AGBL4: variants seen among roughly 807,000 people sequenced by gnomAD.
The protein encoded by AGBL4 is AGBL carboxypeptidase 4, also known as cytosolic carboxypeptidase 6.
A neutral mutation model predicts 66.4 loss-of-function variants in AGBL4; 58 were observed. The observed-to-expected ratio is 0.87, with a 90% CI of 0.71 to 1.09. The LOEUF (loss-of-function observed/expected upper bound fraction) is 1.09, where lower values mean the gene tolerates loss of function less well. AGBL4 is among the 50% of genes least tolerant of loss of function. The pLI is 0.00. For synonymous variants in AGBL4, 234 were observed against 222.9 expected, an observed-to-expected ratio of 1.05 and a Z score of -0.44; for missense variants, 579 against 631.0, an observed-to-expected ratio of 0.92 and a Z score of 0.88.
intron 4 of AGBL4, among the ~76,000 whole-genome samples, chr1:49,066,881 C>T (rs1397529055): frequency 6.6e-6 from 1 of 152,190 alleles, no homozygotes; most frequent in Non-Finnish European, 1.5e-5. Flanking sequence ...TCTCCAATTT[C>T]CAAATTCAGT....
intron 3 of AGBL4, among the ~76,000 whole-genome samples, chr1:49,446,950 G>A (rs1000250761): frequency 3.3e-5 from 5 of 152,118 alleles, no homozygotes; most frequent in Non-Finnish European, 5.9e-5. Flanking sequence ...TAGTGAGGCA[G>A]GGACCCCATC....
chr1:49,268,018 T>C (rs1411666224), intron 3 of AGBL4: 1 of 152,086 alleles, frequency 6.6e-6, no homozygotes, highest in Admixed American at 6.6e-5. Context: ...CAAAACCATA[T>C]CAGTGTATAT....
intron 3 of AGBL4, among the ~76,000 whole-genome samples, chr1:49,685,387 G>A (rs1646768622): frequency 6.6e-6 from 1 of 152,194 alleles, no homozygotes; most frequent in Non-Finnish European, 1.5e-5. Flanking sequence ...CTTTATGGTA[G>A]AAGGATTTAT....
intron 8 of AGBL4, among the ~76,000 whole-genome samples, chr1:48,652,769 G>A (rs1287100982): frequency 1.3e-5 from 2 of 152,136 alleles, no homozygotes; most frequent in East Asian, 1.9e-4. Flanking sequence ...ATGGTGCTAA[G>A]CCAGGAGAAA....
At chr1:49,854,227 CAAGT>C (rs746046694) in intron 1 of AGBL4, among the ~76,000 whole-genome samples, 10 of 151,692 alleles carry the variant, frequency 6.6e-5, no homozygotes, top group Non-Finnish European at 1.3e-4. Context: ...CCCTCTAAAA[CAAGT>C]AGACAACCAC....
intron 6 of AGBL4, among the ~76,000 whole-genome samples, chr1:48,665,348 T>C (rs1393429958): frequency 1.3e-5 from 2 of 152,206 alleles, no homozygotes; most frequent in Non-Finnish European, 2.9e-5. Context: ...CATGGGTGTA[T>C]GGCTAATGTC....
chr1:48,881,141 T>A (rs1167622477), intron 5 of AGBL4, among the ~76,000 whole-genome samples: 1 of 152,170 alleles, frequency 6.6e-6, no homozygotes, highest in African/African-American at 2.4e-5. Context: ...TTTTTATTAC[T>A]CTTTGTTCAT....
At chr1:48,934,229 T>C (rs1049511184) in intron 5 of AGBL4, among the ~76,000 whole-genome samples, 31 of 152,116 alleles carry the variant, frequency 2.0e-4, no homozygotes, top group African/African-American at 7.5e-4. Flanking sequence ...AGAGGGCAGG[T>C]TGAAGACGCT....
At chr1:48,682,808 T>G (rs1211157388) in intron 6 of AGBL4, among the ~76,000 whole-genome samples, 1 of 152,206 alleles carries the variant, frequency 6.6e-6, no homozygotes, top group Non-Finnish European at 1.5e-5. Context: ...GCCAGCCCTG[T>G]AAGCACTCTG....
chr1:48,645,240 C>A (rs1372716659), intron 8 of AGBL4, among the ~76,000 whole-genome samples: 1 of 152,118 alleles, frequency 6.6e-6, no homozygotes, highest in Non-Finnish European at 1.5e-5. Flanking sequence ...AGGAGAGAGT[C>A]CCTGGGAGGT....
At chr1:49,230,440 G>T (rs952257840) in intron 4 of AGBL4, among the ~76,000 whole-genome samples, 1 of 152,112 alleles carries the variant, frequency 6.6e-6, no homozygotes, top group Non-Finnish European at 1.5e-5. Context: ...TTAACAAAGG[G>T]TAGAGCCTCC....
intron 3 of AGBL4, among the ~76,000 whole-genome samples, chr1:49,663,350 G>A (rs1218542438): frequency 6.6e-6 from 1 of 152,168 alleles, no homozygotes; most frequent in East Asian, 1.9e-4. Context: ...AATGTGAATA[G>A]ATGTGATGTG....
At chr1:49,557,640 C>A (rs1050075001) in intron 3 of AGBL4, among the ~76,000 whole-genome samples, 6 of 152,082 alleles carry the variant, frequency 3.9e-5, no homozygotes, top group African/African-American at 1.4e-4. Context: ...TGAGTTCCTG[C>A]AAACCCTACC....
At chr1:49,263,380 A>G (rs865843216) in intron 3 of AGBL4, among the ~76,000 whole-genome samples, 1 of 152,158 alleles carries the variant, frequency 6.6e-6, no homozygotes, top group African/African-American at 2.4e-5. Flanking sequence ...AAAAAAATAG[A>G]GTAATCCTCA....
At chr1:49,175,454 T>C (rs953669715) in intron 4 of AGBL4, among the ~76,000 whole-genome samples, 1 of 152,112 alleles carries the variant, frequency 6.6e-6, no homozygotes, top group African/African-American at 2.4e-5. Context: ...ATGGTAATAA[T>C]TGATAAGGTC....
At chr1:49,850,650 T>C (rs963578996) in intron 2 of AGBL4, among the ~76,000 whole-genome samples, 37 of 152,148 alleles carry the variant, frequency 2.4e-4, no homozygotes, top group African/African-American at 8.9e-4. Flanking sequence ...AAAAAACTAT[T>C]ATATAACTGA....
intron 6 of AGBL4, among the ~76,000 whole-genome samples, chr1:48,691,957 G>A (rs542741828): frequency 3.4e-3 from 523 of 152,236 alleles, no homozygotes; most frequent in Middle Eastern, 6.8e-3. Context: ...TGATCCTCCC[G>A]ACTCTGCCCA....
chr1:49,745,476 A>T (rs1299632855), intron 2 of AGBL4, among the ~76,000 whole-genome samples: 2 of 152,066 alleles, frequency 1.3e-5, no homozygotes, highest in Non-Finnish European at 2.9e-5. Context: ...TATAAGAGAA[A>T]AACATAGTAT....
At chr1:49,967,490 A>G (rs1247942304) in intron 1 of AGBL4, among the ~76,000 whole-genome samples, 1 of 151,926 alleles carries the variant, frequency 6.6e-6, no homozygotes, top group Non-Finnish European at 1.5e-5. Context: ...AGGGAGGGGA[A>G]TATCACATAC....
Sources: gnomAD v4.1 joint callset for allele counts (sites outside exome capture counted in the v4.1 genomes callset) on GRCh38, gnomAD v4.1.1 for gene constraint, MANE v1.5 for transcripts, NCBI Gene and HGNC (gene_info 2026-07-23, HGNC 2026-07-21) for gene names.